KIF15: variants seen among roughly 807,000 people sequenced by gnomAD.
KIF15 encodes kinesin-like protein KIF15.
A neutral mutation model predicts 190.6 loss-of-function variants in KIF15; 140 were observed. The ratio of observed to expected loss-of-function variants is 0.73; its 90% CI spans 0.64 to 0.84. KIF15 has a LOEUF of 0.84. KIF15 is among the 40% of genes least tolerant of loss of function. KIF15 has a pLI of 0.00. For missense variants in KIF15, 1,372 were observed against 1,584.4 expected (o/e 0.87, Z 2.28); for synonymous variants, 528 against 551.3 (o/e 0.96, Z 0.59).
At chr3:44,781,902 C>T (rs764256823) in intron 5 of KIF15, among the ~76,000 whole-genome samples, 2 of 152,134 alleles carry the variant, frequency 1.3e-5, no homozygotes, top group East Asian at 1.9e-4. Context: ...GTGGATATTC[C>T]TTATAAAACA....
intron 5 of KIF15, among the ~76,000 whole-genome samples, chr3:44,782,239 C>T (rs1208543161): frequency 1.3e-5 from 2 of 151,860 alleles, no homozygotes; most frequent in African/African-American, 2.4e-5. Context: ...TTAGTAGAGA[C>T]GGGGTGGGGG....
intron 1 of KIF15, among the ~76,000 whole-genome samples, chr3:44,763,945 C>T (rs1304915264): frequency 6.6e-6 from 1 of 152,176 alleles, no homozygotes; most frequent in East Asian, 1.9e-4. Flanking sequence ...GCCTTGGCCT[C>T]CCAAAGTGCT....
At chr3:44,865,495 A>G (rs1016214821) in intron 6 of KIF15, 4 of 321,676 alleles carry the variant, frequency 1.2e-5, no homozygotes, top group African/African-American at 8.1e-5. Context: ...ACCACGCTGT[A>G]ATTATTGTCC....
chr3:44,796,992 A>G (rs891588648), intron 8 of KIF15, among the ~76,000 whole-genome samples: 1 of 151,926 alleles, frequency 6.6e-6, no homozygotes, highest in Non-Finnish European at 1.5e-5. Flanking sequence ...AGTGACATTA[A>G]TATTTTTTTT....
Position 44,848,071 on chromosome 3 carries a change from T to C in KIF15, c.3768+14T>C. The stretch of plus-strand genomic sequence containing the variant: ...AGACTTGCAAAAGTAAGATTTTTTT[T>C]TATGTAATAGTTTCTTCTTGTCTGA... On this transcript the variant is annotated intron_variant, in intron 31 of 34. Transcript: ENST00000326047. The C allele has an allele frequency of 6.7e-7, 1 of 1,501,108 alleles. No individual in the cohort carries two copies. Among genetic ancestry groups the C allele is most frequent in the Non-Finnish European group, 9.3e-7 (1 of 1,080,230 alleles). 93.0% of individuals were successfully genotyped at this position (1,501,108 alleles called of 1,614,324 possible).
chr3:44,808,649 T>G (rs1186567168), intron 16 of KIF15, among the ~76,000 whole-genome samples: 1 of 151,852 alleles, frequency 6.6e-6, no homozygotes, highest in African/African-American at 2.4e-5. Flanking sequence ...TTCCACAATA[T>G]GCTTTTGTTA....
intron 26 of KIF15, 84 bp downstream of exon 26, chr3:44,831,102 A>G (rs1698048528): frequency 7.0e-7 from 1 of 1,426,428 alleles, no homozygotes; most frequent in Non-Finnish European, 9.5e-7. Context: ...ATTAATGAAT[A>G]AATACAGGAT....
At chr3:44,867,882 G>A (rs1699337816) in intron 6 of KIF15, among the ~76,000 whole-genome samples, 1 of 152,154 alleles carries the variant, frequency 6.6e-6, no homozygotes. Context: ...GTGCATCTTG[G>A]ATGATGGATT....
Position 44,801,440 on chromosome 3 carries a change from T to A in KIF15, c.1223-10T>A. 1 of 1,490,990 alleles carries A rather than the reference T, an allele frequency of 6.7e-7. No homozygotes were observed. Among genetic ancestry groups the A allele is most frequent in the Non-Finnish European group, 9.3e-7 (1 of 1,078,228 alleles). The allele number at this position is 1,490,990 out of a possible 1,614,324, so 92.4% of individuals were successfully genotyped here. A position where few individuals can be genotyped will look rare whatever the true frequency, so the allele number is the denominator to read the frequency against. On this transcript the variant is annotated splice_polypyrimidine_tract_variant and intron_variant, in intron 11 of 34. Transcript: ENST00000326047. ...TTTTCATCTTCCCTTTCTTATTGGATCAATTACAGACAAAAAGAAGACTAA... is the reference window on the plus strand; with the variant it reads ...TTTTCATCTTCCCTTTCTTATTGGAACAATTACAGACAAAAAGAAGACTAA...
At chr3:44,837,772 T>A (rs1474761308) in intron 26 of KIF15, among the ~76,000 whole-genome samples, 1 of 152,230 alleles carries the variant, frequency 6.6e-6, no homozygotes, top group Non-Finnish European at 1.5e-5. Flanking sequence ...TAATTTTCTG[T>A]GCCAGTTTCC....
intron 20 of KIF15, among the ~76,000 whole-genome samples, chr3:44,820,685 A>G (rs1708230208): frequency 6.6e-6 from 1 of 152,170 alleles, no homozygotes; most frequent in Non-Finnish European, 1.5e-5. Flanking sequence ...ACAGATCAAC[A>G]AGATCCCAAG....
chr3:44,851,877 T>C lies in KIF15; in HGVS notation c.3897T>C (p.Ser1299=). ...TCGAACGAACCCAAACTTTGGAGTCTAAAGCATTCCAGGAAAAAGAACAAC... is the reference window on the plus strand; with the variant it reads ...TCGAACGAACCCAAACTTTGGAGTCCAAAGCATTCCAGGAAAAAGAACAAC... ...DEVERTQTLE[S]KAFQEKEQLR... Residue 1299 remains serine, a synonymous_variant, in exon 33 of 35, where the codon TCT becomes TCC. Transcript: ENST00000326047. 2 of 1,614,032 alleles carry C rather than the reference T, an allele frequency of 1.2e-6. No homozygotes were observed. The highest frequency in any genetic ancestry group is 1.7e-6 in the Non-Finnish European group (2 of 1,179,962).
At chr3:44,779,531 T>G (rs1706066549) in intron 4 of KIF15, among the ~76,000 whole-genome samples, 1 of 151,736 alleles carries the variant, frequency 6.6e-6, no homozygotes, top group African/African-American at 2.4e-5. Context: ...TGGACAATAA[T>G]CTATAGGATT....
chr3:44,801,387 C>T (rs976839309), intron 11 of KIF15, 63 bp from the exon 12 acceptor site: 1 of 979,920 alleles, frequency 1.0e-6, no homozygotes, highest in Non-Finnish European at 1.6e-6. Context: ...TATCTGTTCT[C>T]TTGGTTTTGC....
At position 44,838,269 on chromosome 3, in the gene KIF15, T is replaced by C. The variant is rs1417314184; in HGVS notation, c.3172-6T>C. 1 of 1,596,622 alleles carries C rather than the reference T, an allele frequency of 6.3e-7. No homozygotes were observed. Among genetic ancestry groups the C allele is most frequent in the Non-Finnish European group, 8.5e-7 (1 of 1,173,860 alleles). ...TTAAGAAACTGTGATGATTGTCTCC[T>C]AACAGAGGGATATGCTCTGTGAGGA... On this transcript the variant is annotated splice_polypyrimidine_tract_variant and splice_region_variant and intron_variant, in intron 26 of 34. Transcript: ENST00000326047.
At chr3:44,864,805 G>A (rs1220754826) in intron 6 of KIF15, among the ~76,000 whole-genome samples, 1 of 152,152 alleles carries the variant, frequency 6.6e-6, no homozygotes, top group Non-Finnish European at 1.5e-5. Context: ...GGCATCTGCT[G>A]GGTCTTTCTT....
chr3:44,791,293 C>CTG (rs756305530), intron 7 of KIF15, among the ~76,000 whole-genome samples: 24 of 152,194 alleles, frequency 1.6e-4, no homozygotes, highest in Non-Finnish European at 2.9e-4. Context: ...TTATATCTAA[C>CTG]TGTATTCTGT....
At chr3:44,860,905 T>A (rs1699235201) in intron 6 of KIF15, among the ~76,000 whole-genome samples, 1 of 152,240 alleles carries the variant, frequency 6.6e-6, no homozygotes, top group African/African-American at 2.4e-5. Context: ...CTATTAACAC[T>A]GATTTTCCTG....
intron 20 of KIF15, among the ~76,000 whole-genome samples, chr3:44,817,924 G>T (rs567412454): frequency 8.7e-4 from 132 of 152,254 alleles, no homozygotes; most frequent in Non-Finnish European, 2.2e-4. Flanking sequence ...TCGTTGAGCA[G>T]TGGTTTGTAG....
Sources: allele counts gnomAD v4.1 joint callset (sites outside exome capture counted in the v4.1 genomes callset), GRCh38; gene constraint gnomAD v4.1.1; transcripts MANE v1.5; gene names NCBI Gene and HGNC (gene_info 2026-07-23, HGNC 2026-07-21).